Variants in DDX60 observed in about 807,000 individuals in gnomAD.
DDX60 encodes the protein DExD/H-box helicase 60.
DDX60 carries 165 observed loss-of-function variants against 212.8 expected under a neutral mutation model. The ratio of observed to expected loss-of-function variants is 0.78; its 90% CI spans 0.68 to 0.88. DDX60 has a LOEUF of 0.88. Ranked by LOEUF, DDX60 falls within the 40% of genes least tolerant of loss-of-function variation. The pLI is 0.00. For synonymous variants in DDX60, 703 were observed against 685.3 expected (o/e 1.03, Z -0.40); for missense variants, 1,905 against 2,003.9 (o/e 0.95, Z 0.94).
At chr4:168,300,626 A>G (rs1443836401) in intron 6 of DDX60, among the ~76,000 whole-genome samples, 1 of 150,892 alleles carries the variant, frequency 6.6e-6, no homozygotes, top group Non-Finnish European at 1.5e-5. Context: ...AGTGTTTCCT[A>G]TACCTTTCAC....
At chr4:168,277,809 A>AAAAAAAAAAAAAG (rs1735413156) in intron 14 of DDX60, among the ~76,000 whole-genome samples, 4 of 135,976 alleles carry the variant, frequency 2.9e-5, no homozygotes, top group African/African-American at 1.3e-4. Context: ...ACTCCATCTC[A>AAAAAAAAAAAAAG]AAAAAAAAAA....
At chr4:168,242,307 G>C (rs1733872410) in intron 30 of DDX60, among the ~76,000 whole-genome samples, 1 of 152,194 alleles carries the variant, frequency 6.6e-6, no homozygotes. Context: ...GTGAGAAGAG[G>C]ACCCCCACCC....
intron 1 of DDX60, among the ~76,000 whole-genome samples, chr4:168,316,518 C>T (rs1001339407): frequency 6.6e-6 from 1 of 151,796 alleles, no homozygotes; most frequent in African/African-American, 2.4e-5. Context: ...CATCTGAAGA[C>T]AATATATGAA....
chr4:168,275,314 A>G (rs369420922), intron 16 of DDX60, 31 bp downstream of exon 16: 6 of 1,565,426 alleles, frequency 3.8e-6, no homozygotes, highest in African/African-American at 2.7e-5. Context: ...ATAAGAAAAT[A>G]CAGTAATTTT....
intron 33 of DDX60, 55 bp downstream of exon 33, chr4:168,236,197 A>G: frequency 6.5e-7 from 1 of 1,527,092 alleles, no homozygotes; most frequent in Non-Finnish European, 8.9e-7. Context: ...CATTTTAGGT[A>G]AGATCTATTT....
intron 27 of DDX60, 122 bp downstream of exon 27, chr4:168,252,387 G>T: frequency 1.7e-6 from 2 of 1,189,382 alleles, no homozygotes; most frequent in Non-Finnish European, 2.4e-6. Flanking sequence ...TTCTCTTTTG[G>T]TAGGGATTGT....
At chr4:168,239,926 G>T (rs1006521896) in intron 30 of DDX60, among the ~76,000 whole-genome samples, 1 of 151,894 alleles carries the variant, frequency 6.6e-6, no homozygotes, top group East Asian at 1.9e-4. Context: ...ATACTTATAT[G>T]CCCTCTCTCA....
chr4:168,315,829 A>G (rs1235901569), intron 1 of DDX60, among the ~76,000 whole-genome samples: 4 of 152,184 alleles, frequency 2.6e-5, no homozygotes, highest in African/African-American at 9.7e-5. Flanking sequence ...CCTATCATTA[A>G]TGGGTATTTG....
At chr4:168,297,382 GA>G (rs1736443933) in intron 6 of DDX60, among the ~76,000 whole-genome samples, 2 of 39,908 alleles carry the variant, frequency 5.0e-5, no homozygotes, top group African/African-American at 5.5e-4. Context: ...AAGAAAGAAA[GA>G]GAAAGAAAGA....
chr4:168,302,657 T>C (rs1386997360), intron 5 of DDX60, among the ~76,000 whole-genome samples: 1 of 152,212 alleles, frequency 6.6e-6, no homozygotes, highest in Non-Finnish European at 1.5e-5. Flanking sequence ...AAAGTATAAT[T>C]AACATAACAT....
At position 168,317,423 on chromosome 4, in the gene DDX60, A is replaced by G. The variant is rs117544637; in HGVS notation, c.-107+1199T>C. Among the ~76,000 whole-genome samples, 201 of 152,270 alleles carry G rather than the reference A, an allele frequency of 1.3e-3. 6 individuals are homozygous for G. The East Asian group carries it at 0.038, about 28-fold the overall frequency. On this transcript the variant is annotated intron_variant, in intron 1 of 37. Transcript: ENST00000393743. The stretch of plus-strand genomic sequence containing the variant: ...AAGAAGGGAGGAAGAGAAATGGAAA[A>G]GAGAAAAAAGGAGGGAAGAGGAAAG...
chr4:168,271,856 T>C (rs564019), intron 19 of DDX60, among the ~76,000 whole-genome samples, 187 bp downstream of exon 19: 5,128 of 152,068 alleles, frequency 0.034, 169 homozygotes, highest in African/African-American at 0.085. Context: ...TTTTACCCTA[T>C]TGAGTCACAA....
intron 8 of DDX60, 85 bp from the exon 9 acceptor site, chr4:168,288,400 G>A: frequency 1.1e-6 from 1 of 945,120 alleles, no homozygotes; most frequent in Non-Finnish European, 1.6e-6. Context: ...GAACTGAAAG[G>A]CAGTGGGCAG....
intron 1 of DDX60, among the ~76,000 whole-genome samples, chr4:168,312,914 C>T (rs912085203): frequency 1.3e-5 from 2 of 151,952 alleles, no homozygotes; most frequent in African/African-American, 4.8e-5. Flanking sequence ...GTTTAGGGAC[C>T]CTTAATGGAG....
At position 168,255,822 on chromosome 4, in the gene DDX60, A is replaced by G; in HGVS notation, c.3446T>C (p.Phe1149Ser). The part of the protein sequence containing the change: ...VENAAESVST[F>S]LKKKQETKRP... ...TTTTGTCTCCTGCTTTTTCTTTAGG[A>G]AAGTGCTCACACTTTCAGCTGCGTT... The change falls in exon 26 of 38, where the codon TTC becomes TCC. Residue 1149 changes from phenylalanine to serine, a missense_variant. Transcript: ENST00000393743. The G allele has an allele frequency of 1.9e-6, 3 of 1,606,956 alleles. No homozygotes were observed. Among genetic ancestry groups the G allele is most frequent in the South Asian group, 1.1e-5 (1 of 89,040 alleles).
chr4:168,260,985 C>A lies in DDX60; in HGVS notation c.3278G>T (p.Arg1093Ile). The A allele has an allele frequency of 1.2e-6, 2 of 1,612,208 alleles. No individual in the cohort carries two copies. Among genetic ancestry groups the A allele is most frequent in the Non-Finnish European group, 1.7e-6 (2 of 1,179,456 alleles). Reference sequence around the variant, plus strand: ...AGGACTAAGATTCTGAAGTACCATTCTGGCCTGTAGTGGTGAATACAAAAC... The same window carrying A: ...AGGACTAAGATTCTGAAGTACCATTATGGCCTGTAGTGGTGAATACAAAAC... ...WIKNGNVEQA[R>I]MVLQNLSPEA... The change falls in exon 25 of 38, where the codon AGA becomes ATA. Residue 1093 changes from arginine (R) to isoleucine (I), a missense_variant. By Grantham distance (97) the Arg-to-Ile change is moderately conservative. Coordinates refer to ENST00000393743, the MANE Select transcript of DDX60 (RefSeq NM_017631.6).
At chr4:168,297,036 G>A (rs1010512869) in intron 6 of DDX60, among the ~76,000 whole-genome samples, 5 of 151,432 alleles carry the variant, frequency 3.3e-5, no homozygotes, top group East Asian at 1.9e-4. Context: ...TCAGCCTCCC[G>A]AGTAGCTGGG....
rs953875249 is a variant in DDX60 at position 168,285,620 on chromosome 4, A to G, written c.1340-122T>C. ...TTTTATATTAATCTTATTTACATATATCAAGTTCAGCCCTTCTCATAAAGC... is the reference window on the plus strand; with the variant it reads ...TTTTATATTAATCTTATTTACATATGTCAAGTTCAGCCCTTCTCATAAAGC... On this transcript the variant is annotated intron_variant, in intron 10 of 37. Coordinates refer to ENST00000393743, the MANE Select transcript of DDX60 (RefSeq NM_017631.6). The G allele has an allele frequency of 6.4e-6, 4 of 621,782 alleles. No individual in the cohort carries two copies. In the African/African-American group the frequency reaches 7.4e-5, roughly 12 times the overall value. The allele number at this position is 621,782 out of a possible 1,614,324, so 38.5% of individuals were successfully genotyped here.
intron 22 of DDX60, chr4:168,265,654 T>A (rs1734809014): frequency 6.6e-6 from 1 of 152,146 alleles, no homozygotes; most frequent in South Asian, 2.1e-4. Flanking sequence ...AAATGACAAT[T>A]TCAGCAAGTA....
Sources: allele counts gnomAD v4.1 joint callset (sites outside exome capture counted in the v4.1 genomes callset), GRCh38; gene constraint gnomAD v4.1.1; transcripts MANE v1.5; gene names NCBI Gene and HGNC (gene_info 2026-07-23, HGNC 2026-07-21).